Variants in HECW1 observed in about 807,000 individuals in gnomAD.
The protein encoded by HECW1 is E3 ubiquitin-protein ligase HECW1.
Under a neutral mutation model 182.3 loss-of-function variants are expected in HECW1, and 61 were observed. The ratio of observed to expected loss-of-function variants is 0.33; its 90% CI spans 0.27 to 0.41. HECW1 has a LOEUF of 0.41. Ranked by LOEUF, HECW1 falls within the 10% of genes least tolerant of loss-of-function variation. HECW1 has a pLI of 1.00. For synonymous variants in HECW1, 859 were observed against 832.6 expected (o/e 1.03, Z -0.55); for missense variants, 1,739 against 2,108.9 (o/e 0.82, Z 3.44).
chr7:43,244,451 A>G (rs1799178825), intron 3 of HECW1, among the ~76,000 whole-genome samples: 1 of 152,118 alleles, frequency 6.6e-6, no homozygotes, highest in African/African-American at 2.4e-5. Flanking sequence ...CTTCCTGCCA[A>G]TGGTCCTCCT....
At chr7:43,341,411 A>G (rs1812987012) in intron 5 of HECW1, among the ~76,000 whole-genome samples, 1 of 151,826 alleles carries the variant, frequency 6.6e-6, no homozygotes, top group African/African-American at 2.4e-5. Context: ...TATCGTATTT[A>G]AAGACATTAA....
intron 6 of HECW1, among the ~76,000 whole-genome samples, chr7:43,380,236 T>A (rs541766785): frequency 1.3e-5 from 2 of 152,292 alleles, no homozygotes; most frequent in East Asian, 3.9e-4. Flanking sequence ...TAAAAATTTT[T>A]AAATTTTTGT....
intron 24 of HECW1, chr7:43,509,538 T>C (rs1420499484): frequency 6.4e-6 from 1 of 156,092 alleles, no homozygotes; most frequent in Non-Finnish European, 1.4e-5. Flanking sequence ...CTGTAAAATA[T>C]GGCTATTGGG....
At chr7:43,320,294 G>A (rs972503627) in intron 4 of HECW1, among the ~76,000 whole-genome samples, 1 of 152,216 alleles carries the variant, frequency 6.6e-6, no homozygotes, top group Non-Finnish European at 1.5e-5. Flanking sequence ...GCTTTAGGAG[G>A]AAGATTTTCA....
At position 43,564,985 on chromosome 7, in the gene HECW1, A is replaced by G. The variant is rs980776227; in HGVS notation, c.*3059A>G. The G allele has an allele frequency of 2.1e-5, 4 of 186,786 alleles. No homozygotes were observed. The East Asian group carries it at 3.5e-4, about 16-fold the overall frequency. 11.6% of individuals were successfully genotyped at this position (186,786 alleles called of 1,614,324 possible). A position where few individuals can be genotyped will look rare whatever the true frequency, so the allele number is the denominator to read the frequency against. On this transcript the variant is annotated 3_prime_UTR_variant, in exon 30 of 30. Coordinates refer to ENST00000395891, the MANE Select transcript of HECW1 (RefSeq NM_015052.5). ...CCCTAAAACAATTGATTTTAGTAAG[A>G]GTGTAACGCCTTTAATCAGGGGACA...
At chr7:43,247,445 A>G (rs1264987924) in intron 3 of HECW1, among the ~76,000 whole-genome samples, 1 of 152,186 alleles carries the variant, frequency 6.6e-6, no homozygotes, top group Non-Finnish European at 1.5e-5. Context: ...ACCAGTCTAT[A>G]TAAGCCTGGG....
intron 3 of HECW1, among the ~76,000 whole-genome samples, chr7:43,264,051 A>G (rs1040289349): frequency 6.6e-6 from 1 of 152,232 alleles, no homozygotes; most frequent in Admixed American, 6.5e-5. Flanking sequence ...GATTCAGACA[A>G]GCTAATTAAT....
chr7:43,202,447 A>C (rs1316425503), intron 2 of HECW1, among the ~76,000 whole-genome samples: 1 of 150,688 alleles, frequency 6.6e-6, no homozygotes, highest in Non-Finnish European at 1.5e-5. Context: ...AATTATTATA[A>C]GATTATAATC....
At chr7:43,200,990 T>C (rs1041130167) in intron 2 of HECW1, among the ~76,000 whole-genome samples, 3 of 152,156 alleles carry the variant, frequency 2.0e-5, no homozygotes, top group African/African-American at 4.8e-5. Context: ...CCAGAGTCGA[T>C]GTAAGATTCA....
At chr7:43,544,085 A>G (rs967013816) in intron 26 of HECW1, among the ~76,000 whole-genome samples, 9 of 152,234 alleles carry the variant, frequency 5.9e-5, no homozygotes, top group African/African-American at 2.2e-4. Context: ...AGGAAAAAAG[A>G]GATAATTTTT....
intron 6 of HECW1, among the ~76,000 whole-genome samples, chr7:43,369,157 G>A (rs1816999806): frequency 6.6e-6 from 1 of 152,064 alleles, no homozygotes; most frequent in Non-Finnish European, 1.5e-5. Context: ...ACTCTTTGCT[G>A]ACATAAAGAG....
At chr7:43,309,284 CAA>C (rs1030657042) in intron 3 of HECW1, among the ~76,000 whole-genome samples, 1 of 152,114 alleles carries the variant, frequency 6.6e-6, no homozygotes, top group Non-Finnish European at 1.5e-5. Context: ...AGGATGTGTG[CAA>C]AGACAGGGTG....
intron 17 of HECW1, among the ~76,000 whole-genome samples, chr7:43,485,772 G>A (rs996385214): frequency 3.9e-5 from 6 of 152,186 alleles, no homozygotes; most frequent in African/African-American, 1.4e-4. Flanking sequence ...GTGGCTCTGG[G>A]TGAGTCAGTG....
intron 15 of HECW1, among the ~76,000 whole-genome samples, chr7:43,467,915 G>T (rs1162002778): frequency 6.6e-6 from 1 of 152,126 alleles, no homozygotes. Flanking sequence ...TTTCTGAGAA[G>T]CCTGTGGGAT....
chr7:43,278,195 A>G (rs1803417838), intron 3 of HECW1, among the ~76,000 whole-genome samples: 2 of 152,032 alleles, frequency 1.3e-5, no homozygotes, highest in African/African-American at 2.4e-5. Flanking sequence ...CAAACTTAAA[A>G]TATTCCAGCC....
intron 13 of HECW1, among the ~76,000 whole-genome samples, chr7:43,462,786 G>T (rs937385951): frequency 2.0e-5 from 3 of 152,184 alleles, no homozygotes; most frequent in Non-Finnish European, 4.4e-5. Context: ...GCCTGCTTTT[G>T]TACATGTTGT....
At chr7:43,550,098 T>G (rs1315917680) in intron 26 of HECW1, among the ~76,000 whole-genome samples, 2 of 137,684 alleles carry the variant, frequency 1.5e-5, no homozygotes, top group Non-Finnish European at 3.3e-5. Context: ...ATAGACCACA[T>G]TCTACCAAAA....
chr7:43,250,594 G>A (rs1464710373), intron 3 of HECW1, among the ~76,000 whole-genome samples: 1 of 152,140 alleles, frequency 6.6e-6, no homozygotes, highest in Admixed American at 6.5e-5. Flanking sequence ...CGCCAGGAAC[G>A]TCCTGTGTGT....
intron 8 of HECW1, among the ~76,000 whole-genome samples, chr7:43,430,982 A>T (rs949751570): frequency 9.9e-5 from 15 of 151,544 alleles, no homozygotes; most frequent in African/African-American, 3.4e-4. Context: ...GGGTTTTCCC[A>T]TGTTGGCCAG....
Sources: allele counts gnomAD v4.1 joint callset (sites outside exome capture counted in the v4.1 genomes callset), GRCh38; gene constraint gnomAD v4.1.1; transcripts MANE v1.5; gene names NCBI Gene and HGNC (gene_info 2026-07-23, HGNC 2026-07-21).